PTPRD: variants seen among roughly 807,000 people sequenced by gnomAD.
The protein encoded by PTPRD is receptor-type tyrosine-protein phosphatase delta.
PTPRD carries 34 observed loss-of-function variants against 214.5 expected under a neutral mutation model. That is an observed-to-expected ratio of 0.16 (90% CI 0.12 to 0.21). PTPRD has a LOEUF of 0.21. Ranked by LOEUF, PTPRD falls within the 10% of genes least tolerant of loss-of-function variation. PTPRD has a pLI of 1.00. For synonymous variants in PTPRD, 1,128 were observed against 845.7 expected, an observed-to-expected ratio of 1.33 and a Z score of -5.79; for missense variants, 2,545 against 2,398.7, an observed-to-expected ratio of 1.06 and a Z score of -1.27.
chr9:10,252,113 A>G (rs2154369881), intron 3 of PTPRD, among the ~76,000 whole-genome samples: 1 of 152,316 alleles, frequency 6.6e-6, no homozygotes, highest in South Asian at 2.1e-4. Context: ...TACAATTACT[A>G]TTTGTCAATT....
At chr9:8,758,929 C>T (rs1481309015) in intron 11 of PTPRD, among the ~76,000 whole-genome samples, 2 of 152,054 alleles carry the variant, frequency 1.3e-5, no homozygotes, top group Admixed American at 6.6e-5. Flanking sequence ...TCGTGATCCA[C>T]CTGCCTCAGC....
At chr9:9,014,184 T>TTG (rs2099523783) in intron 11 of PTPRD, among the ~76,000 whole-genome samples, 3 of 115,986 alleles carry the variant, frequency 2.6e-5, no homozygotes, top group African/African-American at 9.9e-5. Context: ...CTCGTTTTTT[T>TTG]TTGTTTGTTT....
At chr9:10,414,609 A>G (rs1191505346) in intron 2 of PTPRD, among the ~76,000 whole-genome samples, 1 of 151,958 alleles carries the variant, frequency 6.6e-6, no homozygotes, top group East Asian at 1.9e-4. Flanking sequence ...GAAGAATATA[A>G]ATTATTCTAC....
intron 14 of PTPRD, among the ~76,000 whole-genome samples, chr9:8,553,624 G>A (rs2082779822): frequency 6.6e-6 from 1 of 151,962 alleles, no homozygotes; most frequent in Non-Finnish European, 1.5e-5. Flanking sequence ...TTTATGACAG[G>A]TACATGACTC....
chr9:9,319,912 C>T (rs1232407908), intron 9 of PTPRD, among the ~76,000 whole-genome samples: 3 of 152,086 alleles, frequency 2.0e-5, no homozygotes, highest in African/African-American at 7.2e-5. Context: ...TGCATGGTTA[C>T]ATAAAGTCCT....
chr9:10,523,685 C>T (rs4461952), intron 2 of PTPRD, among the ~76,000 whole-genome samples: 18,675 of 128,634 alleles, frequency 0.15, 1,471 homozygotes, highest in Non-Finnish European at 0.18. Flanking sequence ...AGAGAGAAAG[C>T]GGCTCTAATA....
intron 3 of PTPRD, among the ~76,000 whole-genome samples, chr9:10,214,048 A>C (rs2099529371): frequency 6.6e-6 from 1 of 152,098 alleles, no homozygotes; most frequent in South Asian, 2.1e-4. Flanking sequence ...AAATCCTTCA[A>C]TAAGCCCCTC....
intron 8 of PTPRD, among the ~76,000 whole-genome samples, chr9:9,460,555 A>G (rs1569568523): frequency 6.6e-6 from 1 of 152,116 alleles, no homozygotes; most frequent in Non-Finnish European, 1.5e-5. Flanking sequence ...GGACATAAAA[A>G]TGGCAGCAAA....
Position 8,500,801 on chromosome 9 carries a change from C to T in PTPRD, c.2081G>A (p.Gly694Asp), listed in dbSNP as rs2136953780. 6.2e-7 allele frequency: 1 copy of T among 1,614,110 alleles called. No homozygotes were observed. The highest frequency in any genetic ancestry group is 2.2e-5 in the East Asian group (1 of 44,872). ...CACGGACAAGCTCTCAGGGCCAGGG[C>T]CGACATCTGTATGGGCTGTCACAGT... The part of the protein sequence containing the change: ...RITVTAHTDV[G>D]PGPESLSVLI... Residue 694 changes from glycine to aspartate, a missense_variant, in exon 24 of 46, where the codon GGC (glycine) becomes GAC (aspartate). Coordinates refer to ENST00000381196, the MANE Select transcript of PTPRD (RefSeq NM_002839.4).
chr9:9,660,978 A>T lies in PTPRD; in HGVS notation c.-287+73555T>A, dbSNP rs574053045. ...TTGTGAAGATGTTAGGCAGCTTCATATGGAAATAACGCTTTATTCAGGTAA... is the reference window on the plus strand; with the variant it reads ...TTGTGAAGATGTTAGGCAGCTTCATTTGGAAATAACGCTTTATTCAGGTAA... On this transcript the variant is annotated intron_variant, in intron 7 of 45. Coordinates refer to ENST00000381196, the MANE Select transcript of PTPRD (RefSeq NM_002839.4). Among the ~76,000 whole-genome samples, 23 of 152,108 alleles carry T rather than the reference A, an allele frequency of 1.5e-4. 1 individual carries two copies. In the East Asian group the frequency reaches 4.4e-3, roughly 29 times the overall value.
At chr9:9,321,886 G>T (rs1257120954) in intron 9 of PTPRD, among the ~76,000 whole-genome samples, 1 of 152,106 alleles carries the variant, frequency 6.6e-6, no homozygotes, top group Non-Finnish European at 1.5e-5. Flanking sequence ...TAACTTTATG[G>T]TAATAGACCT....
chr9:9,316,533 T>A (rs2802280), intron 9 of PTPRD, among the ~76,000 whole-genome samples: 1 of 151,980 alleles, frequency 6.6e-6, no homozygotes, highest in African/African-American at 2.4e-5. Flanking sequence ...ACCAAATAAC[T>A]CTTTGTGGCA....
At chr9:8,665,720 G>A (rs2097157255) in intron 12 of PTPRD, among the ~76,000 whole-genome samples, 1 of 152,074 alleles carries the variant, frequency 6.6e-6, no homozygotes, top group African/African-American at 2.4e-5. Flanking sequence ...TCACAGAAAT[G>A]CCCCTGCATG....
At chr9:10,060,067 A>G (rs1031190651) in intron 3 of PTPRD, among the ~76,000 whole-genome samples, 2 of 152,062 alleles carry the variant, frequency 1.3e-5, no homozygotes, top group Non-Finnish European at 2.9e-5. Flanking sequence ...TATTTCCCTG[A>G]CAACCAATAT....
intron 9 of PTPRD, among the ~76,000 whole-genome samples, chr9:9,216,368 A>G (rs7034782): frequency 0.18 from 26,754 of 152,120 alleles, 2,642 homozygotes; most frequent in Middle Eastern, 0.22. Context: ...TATGGAGCTA[A>G]TTATACTACT....
chr9:8,520,904 G>A (rs1451065968), intron 20 of PTPRD, among the ~76,000 whole-genome samples: 2 of 151,230 alleles, frequency 1.3e-5, no homozygotes, highest in Admixed American at 1.3e-4. Flanking sequence ...ATTTATTAAT[G>A]CTCATATTGA....
intron 40 of PTPRD, 58 bp downstream of exon 40, chr9:8,341,635 C>T (rs919141787): frequency 2.4e-5 from 38 of 1,582,074 alleles, no homozygotes; most frequent in Non-Finnish European, 2.9e-5. Context: ...AGCCACGACT[C>T]AAAGACAAAC....
intron 2 of PTPRD, among the ~76,000 whole-genome samples, chr9:10,357,172 T>G (rs2097294984): frequency 6.6e-6 from 1 of 152,150 alleles, no homozygotes; most frequent in Admixed American, 6.5e-5. Context: ...CTCATCTATT[T>G]CTCCTAGACC....
chr9:9,741,348 T>C (rs1046994410), intron 6 of PTPRD, among the ~76,000 whole-genome samples: 1 of 115,014 alleles, frequency 8.7e-6, no homozygotes, highest in African/African-American at 5.7e-5. Flanking sequence ...CAATGAAATT[T>C]CAAAAATAGA....
Sources: gnomAD v4.1 joint callset for allele counts (sites outside exome capture counted in the v4.1 genomes callset) on GRCh38, gnomAD v4.1.1 for gene constraint, MANE v1.5 for transcripts, NCBI Gene and HGNC (gene_info 2026-07-23, HGNC 2026-07-21) for gene names.